Variants in PLSCR5 observed in about 807,000 individuals in gnomAD.
PLSCR5 encodes phospholipid scramblase family, member 5.
In PLSCR5, 44 loss-of-function variants were observed where a neutral mutation model predicts 33.6. The observed-to-expected ratio is 1.31, with a 90% CI of 1.03 to 1.69. The LOEUF (loss-of-function observed/expected upper bound fraction) is 1.69. Among genes scored for constraint, PLSCR5 ranks in the 40% most tolerant of loss-of-function variants. The pLI is 0.00. For missense variants in PLSCR5, 375 were observed against 318.7 expected (o/e 1.18, Z -1.34); for synonymous variants, 148 against 112.3 (o/e 1.32, Z -2.01).
At chr3:146,603,687 A>G (rs967198607) in intron 1 of PLSCR5, among the ~76,000 whole-genome samples, 1 of 152,282 alleles carries the variant, frequency 6.6e-6, no homozygotes, top group East Asian at 1.9e-4. Flanking sequence ...TTAAAAATGT[A>G]TAACTAGCTT....
chr3:146,591,768 A>G lies in PLSCR5; in HGVS notation c.567T>C (p.Ile189=). ...AGCCACATGTCACACAAGGACCAACAATTTTCAAAATATCTTCTTTGTTTG... is the reference window on the plus strand; with the variant it reads ...AGCCACATGTCACACAAGGACCAACGATTTTCAAAATATCTTCTTTGTTTG... ...QNANKEDILK[I]VGPCVTCGCF... The change falls in exon 5 of 8, where the codon ATT becomes ATC. Residue 189 remains isoleucine, a synonymous_variant. Transcript: ENST00000443512. 1 of 1,612,094 alleles carries G rather than the reference A, an allele frequency of 6.2e-7. No homozygotes were observed. The highest frequency in any genetic ancestry group is 8.5e-7 in the Non-Finnish European group (1 of 1,178,878).
chr3:146,594,115 G>A lies in PLSCR5; in HGVS notation c.258C>T (p.Asn86=). ...CCAAGCTGTTTTTAATCTCATATTT[G>A]TTGGAGGTCTCAGTACCAAGTATCA... ...LGMILGTETS[N]KYEIKNSLGQ... The change falls in exon 4 of 8, where the codon AAC becomes AAT. Residue 86 remains asparagine (N), a synonymous_variant. Coordinates refer to ENST00000443512, the MANE Select transcript of PLSCR5 (RefSeq NM_001085420.2). 6.2e-7 allele frequency: 1 copy of A among 1,613,212 alleles called. No individual in the cohort carries two copies. Among genetic ancestry groups the A allele is most frequent in the Non-Finnish European group, 8.5e-7 (1 of 1,179,508 alleles).
intron 7 of PLSCR5, among the ~76,000 whole-genome samples, chr3:146,579,924 C>G (rs2044622433): frequency 6.6e-6 from 1 of 152,180 alleles, no homozygotes; most frequent in South Asian, 2.1e-4. Context: ...TACTATATTT[C>G]TATTTCTTCT....
intron 3 of PLSCR5, among the ~76,000 whole-genome samples, chr3:146,594,703 C>A (rs538363150): frequency 6.6e-6 from 1 of 152,148 alleles, no homozygotes; most frequent in East Asian, 1.9e-4. Context: ...TTAGTCAAAA[C>A]CTTGACTTCC....
chr3:146,601,011 A>G (rs550951272), intron 1 of PLSCR5, among the ~76,000 whole-genome samples: 238 of 149,490 alleles, frequency 1.6e-3, no homozygotes, highest in Admixed American at 3.2e-3. Context: ...CTATATTTAT[A>G]TAACCAATAA....
chr3:146,587,243 C>T (rs1426278661), intron 6 of PLSCR5, among the ~76,000 whole-genome samples: 9 of 152,022 alleles, frequency 5.9e-5, no homozygotes, highest in Admixed American at 5.9e-4. Flanking sequence ...TGAGTATGAC[C>T]TAGATCAACC....
downstream of PLSCR5, among the ~76,000 whole-genome samples, chr3:146,582,695 G>C (rs545921311): frequency 6.6e-6 from 1 of 152,200 alleles, no homozygotes; most frequent in East Asian, 1.9e-4. Flanking sequence ...GAACAAAACT[G>C]TCTCTATAAA....
At chr3:146,582,910 C>T (rs548700792), downstream of PLSCR5, among the ~76,000 whole-genome samples, 14 of 152,156 alleles carry the variant, frequency 9.2e-5, no homozygotes, top group Admixed American at 6.5e-5. Context: ...TTCAAATAAC[C>T]GAATGGTCCT....
chr3:146,580,986 A>C (rs2044629815), downstream of PLSCR5, among the ~76,000 whole-genome samples: 1 of 152,210 alleles, frequency 6.6e-6, no homozygotes, highest in Admixed American at 6.5e-5. Flanking sequence ...AATCAAAACT[A>C]GTATTAAACC....
chr3:146,600,208 C>T, intron 2 of PLSCR5, 80 bp downstream of exon 2: 1 of 1,119,482 alleles, frequency 8.9e-7, no homozygotes, highest in Non-Finnish European at 1.1e-6. Context: ...TTCTTTCAAC[C>T]TTGATTGAAA....
chr3:146,598,703 A>T (rs930705182), intron 2 of PLSCR5, among the ~76,000 whole-genome samples: 2 of 152,200 alleles, frequency 1.3e-5, no homozygotes, highest in Admixed American at 1.3e-4. Context: ...ATACTTGGCA[A>T]AACCTTGTCT....
At chr3:146,601,732 C>T (rs951504573) in intron 1 of PLSCR5, among the ~76,000 whole-genome samples, 1 of 152,080 alleles carries the variant, frequency 6.6e-6, no homozygotes, top group Non-Finnish European at 1.5e-5. Context: ...TCAGCAATGA[C>T]TCTCAAATTC....
chr3:146,587,158 TG>T (rs1472931619), intron 6 of PLSCR5, among the ~76,000 whole-genome samples: 1 of 152,138 alleles, frequency 6.6e-6, no homozygotes, highest in Non-Finnish European at 1.5e-5. Context: ...CTGATGCATC[TG>T]GGGTGGGATC....
At chr3:146,578,963 C>T (rs2044616328) in intron 7 of PLSCR5, among the ~76,000 whole-genome samples, 1 of 151,924 alleles carries the variant, frequency 6.6e-6, no homozygotes. Context: ...ATTTCTTTAA[C>T]AAGATTTTTA....
At chr3:146,603,003 T>A (rs1423735500) in intron 1 of PLSCR5, among the ~76,000 whole-genome samples, 2 of 152,124 alleles carry the variant, frequency 1.3e-5, no homozygotes, top group African/African-American at 4.8e-5. Flanking sequence ...GAAGCAACCT[T>A]TGGAGACAGC....
At chr3:146,595,811 G>C (rs1242439774) in intron 2 of PLSCR5, among the ~76,000 whole-genome samples, 1 of 152,030 alleles carries the variant, frequency 6.6e-6, no homozygotes, top group Non-Finnish European at 1.5e-5. Context: ...TGAATGCCTG[G>C]CCTCTCCTCT....
intron 2 of PLSCR5, among the ~76,000 whole-genome samples, chr3:146,599,184 T>C (rs570067376): frequency 2.6e-5 from 4 of 152,286 alleles, no homozygotes; most frequent in South Asian, 4.1e-4. Flanking sequence ...AAAATTCAGA[T>C]AGTGATATTT....
chr3:146,585,532 GTAA>G (rs2044659983), downstream of PLSCR5, among the ~76,000 whole-genome samples: 1 of 151,988 alleles, frequency 6.6e-6, no homozygotes. Context: ...CCAGTGTAAA[GTAA>G]TAATATCTCA....
At chr3:146,591,664 G>T in intron 5 of PLSCR5, 56 bp downstream of exon 5, 2 of 1,506,634 alleles carry the variant, frequency 1.3e-6, no homozygotes, top group African/African-American at 1.4e-5. Flanking sequence ...ATTGAATTAT[G>T]TTGCAAAAAA....
Sources: allele counts gnomAD v4.1 joint callset (sites outside exome capture counted in the v4.1 genomes callset), GRCh38; gene constraint gnomAD v4.1.1; transcripts MANE v1.5; gene names NCBI Gene and HGNC (gene_info 2026-07-23, HGNC 2026-07-21).